MAGI2: variants seen among roughly 807,000 people sequenced by gnomAD.
The protein encoded by MAGI2 is membrane-associated guanylate kinase, WW and PDZ domain-containing protein 2.
In MAGI2, 35 loss-of-function variants were observed where a neutral mutation model predicts 133.3. That is an observed-to-expected ratio of 0.26 (90% CI 0.20 to 0.35). The LOEUF is 0.35. Among genes scored for constraint, MAGI2 ranks in the 10% least tolerant of loss-of-function variants. The pLI is 1.00. For synonymous variants in MAGI2, 729 were observed against 710.6 expected, an observed-to-expected ratio of 1.03 and a Z score of -0.41; for missense variants, 1,636 against 1,863.4, an observed-to-expected ratio of 0.88 and a Z score of 2.25.
At chr7:78,569,133 C>A (rs1470248561) in intron 3 of MAGI2, among the ~76,000 whole-genome samples, 1 of 150,282 alleles carries the variant, frequency 6.7e-6, no homozygotes, top group African/African-American at 2.4e-5. Context: ...CCAACACACA[C>A]ACACACACAC....
intron 9 of MAGI2, among the ~76,000 whole-genome samples, chr7:78,323,180 G>T (rs1342115454): frequency 1.3e-5 from 2 of 152,166 alleles, no homozygotes; most frequent in East Asian, 3.9e-4. Flanking sequence ...AGGTTTTCTA[G>T]GCAAGAATAT....
At chr7:78,938,276 G>A (rs756426349) in intron 2 of MAGI2, among the ~76,000 whole-genome samples, 7 of 151,912 alleles carry the variant, frequency 4.6e-5, no homozygotes, top group Non-Finnish European at 8.8e-5. Context: ...TGAAAGAGAA[G>A]AATCAATGTT....
chr7:79,120,971 A>G (rs559114562), intron 1 of MAGI2, among the ~76,000 whole-genome samples: 1 of 152,106 alleles, frequency 6.6e-6, no homozygotes, highest in Non-Finnish European at 1.5e-5. Context: ...GAATGGCAGG[A>G]TACTGAAATA....
intron 1 of MAGI2, among the ~76,000 whole-genome samples, chr7:79,155,344 A>T (rs1823669604): frequency 6.6e-6 from 1 of 152,180 alleles, no homozygotes; most frequent in South Asian, 2.1e-4. Flanking sequence ...GCACTGTGCT[A>T]GACTCTTAAG....
chr7:79,174,166 T>C (rs1295070046), intron 1 of MAGI2, among the ~76,000 whole-genome samples: 1 of 152,082 alleles, frequency 6.6e-6, no homozygotes, highest in Non-Finnish European at 1.5e-5. Context: ...ATTTTTTCTC[T>C]TACTGTGGGT....
intron 16 of MAGI2, among the ~76,000 whole-genome samples, chr7:78,141,845 G>T (rs576802151): frequency 6.6e-6 from 1 of 152,166 alleles, no homozygotes; most frequent in African/African-American, 2.4e-5. Flanking sequence ...CTGAACTCAC[G>T]TTGCTGAGGG....
At chr7:78,297,353 A>AAAT (rs1444607329) in intron 9 of MAGI2, among the ~76,000 whole-genome samples, 16 of 152,130 alleles carry the variant, frequency 1.1e-4, no homozygotes, top group East Asian at 7.8e-4. Context: ...GGATGTGGAG[A>AAAT]AATAGGAACA....
chr7:79,183,441 C>G (rs1826793754), intron 1 of MAGI2, among the ~76,000 whole-genome samples: 1 of 151,706 alleles, frequency 6.6e-6, no homozygotes, highest in African/African-American at 2.4e-5. Context: ...TATTGCCCAC[C>G]TTTTTAGAAA....
intron 6 of MAGI2, among the ~76,000 whole-genome samples, chr7:78,371,683 T>C (rs1562902539): frequency 6.6e-6 from 1 of 152,052 alleles, no homozygotes; most frequent in Non-Finnish European, 1.5e-5. Flanking sequence ...TTATTATATA[T>C]TATACTGTCC....
chr7:78,205,772 G>A (rs1245698559), intron 10 of MAGI2, among the ~76,000 whole-genome samples: 1 of 151,862 alleles, frequency 6.6e-6, no homozygotes, highest in Non-Finnish European at 1.5e-5. Context: ...TCTACTGCAG[G>A]TAATATTTAT....
intron 1 of MAGI2, among the ~76,000 whole-genome samples, chr7:79,187,504 T>C (rs1054598966): frequency 2.0e-5 from 3 of 151,822 alleles, no homozygotes; most frequent in African/African-American, 7.3e-5. Context: ...CTTCATCATA[T>C]GTACATAGAA....
rs147446419 is a variant in MAGI2, at chr7:79,151,973, C to T, written c.302-144767G>A. Among the ~76,000 whole-genome samples the T allele has an allele frequency of 2.3e-3, 351 of 152,186 alleles. 1 individual carries two copies. Among genetic ancestry groups the T allele is most frequent in the African/African-American group, 7.8e-3 (324 of 41,530 alleles). On this transcript the variant is annotated intron_variant, in intron 1 of 21. Transcript: ENST00000354212. ...CTGTCCTCATTTTGAAATTCAAGGA[C>T]ACCACTTCAGGATGATGGGAGACAA...
intron 1 of MAGI2, among the ~76,000 whole-genome samples, chr7:79,406,168 G>A (rs1377911377): frequency 6.6e-6 from 1 of 151,798 alleles, no homozygotes; most frequent in African/African-American, 2.4e-5. Flanking sequence ...TTTGGCAATT[G>A]AAATCCCTAT....
intron 2 of MAGI2, among the ~76,000 whole-genome samples, chr7:78,689,777 G>A (rs1204875126): frequency 7.9e-6 from 1 of 127,322 alleles, no homozygotes; most frequent in Non-Finnish European, 1.6e-5. Flanking sequence ...CTTTTATTAA[G>A]TAGTATTTCA....
intron 1 of MAGI2, among the ~76,000 whole-genome samples, chr7:79,064,430 G>A (rs950205596): frequency 1.3e-5 from 2 of 151,970 alleles, no homozygotes; most frequent in Non-Finnish European, 2.9e-5. Flanking sequence ...TGCCTAAACC[G>A]GATCCCAGAA....
At chr7:79,135,106 A>G (rs1340667547) in intron 1 of MAGI2, among the ~76,000 whole-genome samples, 1 of 152,192 alleles carries the variant, frequency 6.6e-6, no homozygotes, top group Non-Finnish European at 1.5e-5. Flanking sequence ...CACCATCACT[A>G]TGGTATCAGG....
At chr7:78,422,079 C>T (rs1224544414) in intron 6 of MAGI2, among the ~76,000 whole-genome samples, 1 of 152,138 alleles carries the variant, frequency 6.6e-6, no homozygotes, top group Non-Finnish European at 1.5e-5. Flanking sequence ...GCCTCTCAAG[C>T]AGGTCCTGGT....
chr7:78,404,046 T>C (rs996899059), intron 6 of MAGI2, among the ~76,000 whole-genome samples: 1 of 152,016 alleles, frequency 6.6e-6, no homozygotes, highest in African/African-American at 2.4e-5. Context: ...GCCAAATCAT[T>C]AGTGAATTCC....
intron 1 of MAGI2, among the ~76,000 whole-genome samples, chr7:79,228,492 T>C (rs1831075096): frequency 1.3e-5 from 2 of 152,104 alleles, no homozygotes; most frequent in Non-Finnish European, 2.9e-5. Flanking sequence ...CTACTAATTG[T>C]AAAATGTGTA....
Sources: gnomAD v4.1 joint callset for allele counts (sites outside exome capture counted in the v4.1 genomes callset) on GRCh38, gnomAD v4.1.1 for gene constraint, MANE v1.5 for transcripts, NCBI Gene and HGNC (gene_info 2026-07-23, HGNC 2026-07-21) for gene names.